GAN: variants seen among roughly 807,000 people sequenced by gnomAD.
The protein encoded by GAN is gigaxonin, also known as epididymis secretory sperm binding protein.
In GAN, 48 loss-of-function variants were observed where a neutral mutation model predicts 71.3. The ratio of observed to expected loss-of-function variants is 0.67; its 90% confidence interval spans 0.53 to 0.86. GAN has a LOEUF of 0.86. GAN is among the 40% of genes least tolerant of loss of function. The pLI, the probability that GAN is intolerant of heterozygous loss-of-function variation, is 0.00. For synonymous variants in GAN, 386 were observed against 276.8 expected (o/e 1.39, Z -3.92); for missense variants, 928 against 770.1 (o/e 1.21, Z -2.43).
chr16:81,334,815 A>G (rs1248205118), intron 1 of GAN, among the ~76,000 whole-genome samples: 3 of 152,232 alleles, frequency 2.0e-5, no homozygotes, highest in East Asian at 3.8e-4. Flanking sequence ...ACATGAGAAT[A>G]GTCACCAACA....
chr16:81,367,288 C>T (rs925902760), intron 9 of GAN, among the ~76,000 whole-genome samples: 3 of 151,984 alleles, frequency 2.0e-5, no homozygotes, highest in Admixed American at 6.6e-5. Flanking sequence ...TTTGGGAGGC[C>T]GACGCGGGCA....
At position 81,387,767 on chromosome 16, in the gene GAN, G is replaced by C. The variant is rs1458150530; in HGVS notation, c.*10171G>C. 2.0e-5 allele frequency: 3 copies of C among 152,052 alleles called. No homozygotes were observed. Among genetic ancestry groups the C allele is most frequent in the Non-Finnish European group, 4.4e-5 (3 of 68,032 alleles). The allele number at this position is 152,052 out of a possible 1,614,324, so 9.4% of individuals were successfully genotyped here. A position where few individuals can be genotyped will look rare whatever the true frequency, so the allele number is the denominator to read the frequency against. On this transcript the variant is annotated 3_prime_UTR_variant, in exon 11 of 11. Transcript: ENST00000648994. The stretch of plus-strand genomic sequence containing the variant: ...GGAGGCAGAGGTTGAAGTGAGCCAG[G>C]ATTGTGCCACTGTACTCCAGCCTGG...
rs142929427 is a variant in GAN at position 81,353,919 on chromosome 16, C to T, written c.283-486C>T. Among the ~76,000 whole-genome samples the T allele has an allele frequency of 2.1e-3, 326 of 152,316 alleles. 2 individuals carry two copies. The highest frequency in any genetic ancestry group is 7.5e-3 in the African/African-American group (311 of 41,556). On this transcript the variant is annotated intron_variant, in intron 2 of 10. Transcript: ENST00000648994. ...GATGCGGAATGAGGCTTCTGAAACACTGGAAACCCCTCTCCCTTCAAGGGG... is the reference window on the plus strand; with the variant it reads ...GATGCGGAATGAGGCTTCTGAAACATTGGAAACCCCTCTCCCTTCAAGGGG...
chr16:81,335,539 G>C (rs1036132684), intron 1 of GAN, among the ~76,000 whole-genome samples: 4 of 152,028 alleles, frequency 2.6e-5, no homozygotes, highest in African/African-American at 9.7e-5. Flanking sequence ...CTGAGGTCAG[G>C]AGTTCGAGAC....
chr16:81,319,416 A>T lies in GAN; in HGVS notation c.167+4136A>T, dbSNP rs75664532. ...GCTCTTCCGATTCTGGCACAGTCCC[A>T]TTGATCTGATGCAAAGTTCAGACCC... On this transcript the variant is annotated intron_variant, in intron 1 of 10. Coordinates refer to ENST00000648994, the MANE Select transcript of GAN (RefSeq NM_022041.4). 2.6e-5 allele frequency among the ~76,000 whole-genome samples: 4 copies of T among 152,018 alleles called. No homozygotes were observed. The East Asian group carries it at 7.7e-4, about 29-fold the overall frequency.
In GAN at chr16:81,357,818, A is replaced by C. The variant is rs1457651927; in HGVS notation, c.860A>C (p.Lys287Thr). Residue 287 changes from lysine to threonine, a missense_variant, in exon 5 of 11, where the codon AAA (lysine) becomes ACA (threonine). By Grantham distance (78) the Lys-to-Thr change is moderately conservative. Coordinates refer to ENST00000648994, the MANE Select transcript of GAN (RefSeq NM_022041.4). Reference protein sequence around the residue: ...TVGGEERVSRKPTAAMRCMCP... With the variant: ...TVGGEERVSRTPTAAMRCMCP... Reference sequence around the variant, plus strand: ...CTTATTTACTTCCTTAGTTCACGGAAACCCACAGCAGCGATGCGATGCATG... The same window carrying C: ...CTTATTTACTTCCTTAGTTCACGGACACCCACAGCAGCGATGCGATGCATG... 1 of 1,613,506 alleles carries C rather than the reference A, an allele frequency of 6.2e-7. No homozygotes were observed. Among genetic ancestry groups the C allele is most frequent in the Non-Finnish European group, 8.5e-7 (1 of 1,179,522 alleles).
At chr16:81,349,704 A>G (rs1002983956) in intron 1 of GAN, among the ~76,000 whole-genome samples, 10 of 152,226 alleles carry the variant, frequency 6.6e-5, no homozygotes, top group African/African-American at 2.2e-4. Context: ...TATTCAGTCT[A>G]CCAAAAGTCT....
At chr16:81,327,623 T>G (rs1256789802) in intron 1 of GAN, among the ~76,000 whole-genome samples, 2 of 150,168 alleles carry the variant, frequency 1.3e-5, no homozygotes, top group Non-Finnish European at 2.9e-5. Context: ...CATAAAATCT[T>G]CCTTGTAACT....
At chr16:81,347,277 A>G (rs1369658410) in intron 1 of GAN, among the ~76,000 whole-genome samples, 3 of 152,220 alleles carry the variant, frequency 2.0e-5, no homozygotes, top group African/African-American at 7.2e-5. Context: ...ACGGGCAGGA[A>G]TAGTAGACAG....
Position 81,357,894 on chromosome 16 carries a change from A to G in GAN, c.936A>G (p.Leu312=). 6.2e-7 allele frequency: 1 copy of G among 1,613,856 alleles called. No homozygotes were observed. The highest frequency in any genetic ancestry group is 8.5e-7 in the Non-Finnish European group (1 of 1,179,802). ...AGCTTTGGATCGAACTGGCCCCTTT[A>G]AGCATGCCGAGAATTAACCATGGAG... is the stretch of plus-strand genomic sequence containing the variant. ...NRQLWIELAP[L]SMPRINHGVL... is the part of the protein sequence containing the mutation. The change falls in exon 5 of 11, where the codon TTA becomes TTG. Residue 312 remains leucine (L), a synonymous_variant. Coordinates refer to ENST00000648994, the MANE Select transcript of GAN (RefSeq NM_022041.4).
In GAN at chr16:81,351,662, A is replaced by G. The variant is rs770847887; in HGVS notation, c.247A>G (p.Met83Val). Reference sequence around the variant, plus strand: ...ACTTGAAGGGATATCGGTAATGGTTATGAGAGAGATCCTGGATTACATCTT... The same window carrying G: ...ACTTGAAGGGATATCGGTAATGGTTGTGAGAGAGATCCTGGATTACATCTT... The part of the protein sequence containing the change: ...IELEGISVMV[M>V]REILDYIFSG... Residue 83 changes from methionine (M) to valine (V), a missense_variant, in exon 2 of 11, where the codon ATG becomes GTG. Coordinates refer to ENST00000648994, the MANE Select transcript of GAN (RefSeq NM_022041.4). 2.6e-6 allele frequency: 4 copies of G among 1,542,808 alleles called. No individual in the cohort carries two copies. Among genetic ancestry groups the G allele is most frequent in the Non-Finnish European group, 3.6e-6 (4 of 1,115,052 alleles).
Position 81,387,548 on chromosome 16 carries a change from G to T in GAN, c.*9952G>T, listed in dbSNP as rs903396236. On this transcript the variant is annotated 3_prime_UTR_variant, in exon 11 of 11. Transcript: ENST00000648994. ...TGATCTGCTCAGGCCGGGTGCAGTG[G>T]CTCACGCCTGTAATCCCAGCACTTT... The T allele has an allele frequency of 1.3e-5, 2 of 152,860 alleles. No homozygotes were observed. The highest frequency in any genetic ancestry group is 2.4e-5 in the African/African-American group (1 of 41,452). The allele number at this position is 152,860 out of a possible 1,614,324, so 9.5% of individuals were successfully genotyped here. A position where few individuals can be genotyped will look rare whatever the true frequency, so the allele number is the denominator to read the frequency against.
At chr16:81,349,159 G>A (rs1054549784) in intron 1 of GAN, among the ~76,000 whole-genome samples, 1 of 152,164 alleles carries the variant, frequency 6.6e-6, no homozygotes, top group Non-Finnish European at 1.5e-5. Flanking sequence ...TTTGTTAACA[G>A]TTCTGTTTTT....
At chr16:81,353,458 AT>A (rs1910373359) in intron 2 of GAN, among the ~76,000 whole-genome samples, 1 of 152,190 alleles carries the variant, frequency 6.6e-6, no homozygotes, top group South Asian at 2.1e-4. Flanking sequence ...TAAATGGAAC[AT>A]TTTCCCCTAC....
intron 1 of GAN, among the ~76,000 whole-genome samples, chr16:81,340,015 G>A (rs1432622582): frequency 2.0e-5 from 3 of 152,262 alleles, no homozygotes; most frequent in Admixed American, 6.5e-5. Flanking sequence ...GTCCATGCTC[G>A]TATTTCAGGA....
chr16:81,330,854 G>A (rs552880477), intron 1 of GAN, among the ~76,000 whole-genome samples: 1 of 152,276 alleles, frequency 6.6e-6, no homozygotes, highest in East Asian at 1.9e-4. Context: ...ATCATCTTCT[G>A]CCTGATACGA....
chr16:81,355,746 TAGAG>T (rs1443920420), intron 3 of GAN, among the ~76,000 whole-genome samples: 2 of 152,244 alleles, frequency 1.3e-5, no homozygotes, highest in African/African-American at 2.4e-5. Context: ...TATTAGGTGT[TAGAG>T]AGTGGATCTC....
rs533159921 is a variant in GAN, at chr16:81,370,539, G to T, written c.1502+5061G>T. ...GGCAGAGGGAAAACACCCAAGGAAGGAACAAATCAGGAAGTATTTTCCCCA... is the reference window on the plus strand; with the variant it reads ...GGCAGAGGGAAAACACCCAAGGAAGTAACAAATCAGGAAGTATTTTCCCCA... On this transcript the variant is annotated intron_variant, in intron 9 of 10. Transcript: ENST00000648994. Among the ~76,000 whole-genome samples, 336 of 152,360 alleles carry T rather than the reference G, an allele frequency of 2.2e-3. 1 individual carries two copies. The highest frequency in any genetic ancestry group is 1.4e-3 in the Non-Finnish European group (96 of 68,032).
intron 1 of GAN, among the ~76,000 whole-genome samples, chr16:81,339,209 A>G (rs745956813): frequency 9.9e-5 from 15 of 152,178 alleles, no homozygotes; most frequent in Non-Finnish European, 1.5e-5. Flanking sequence ...AAAGACAAGC[A>G]CTCAGGCTGC....
Sources: gnomAD v4.1 joint callset for allele counts (sites outside exome capture counted in the v4.1 genomes callset) on GRCh38, gnomAD v4.1.1 for gene constraint, MANE v1.5 for transcripts, NCBI Gene and HGNC (gene_info 2026-07-23, HGNC 2026-07-21) for gene names.